CTDSPL2: variants seen among roughly 807,000 people sequenced by gnomAD.
The protein encoded by CTDSPL2 is CTD small phosphatase-like protein 2.
A neutral mutation model predicts 60.0 loss-of-function variants in CTDSPL2; 5 were observed. That is an observed-to-expected ratio of 0.08 (90% CI 0.04 to 0.18). The LOEUF (loss-of-function observed/expected upper bound fraction) is 0.18, where lower values mean the gene tolerates loss of function less well. Ranked by LOEUF, CTDSPL2 falls within the 10% of genes least tolerant of loss-of-function variation. CTDSPL2 has a pLI of 1.00. For missense variants in CTDSPL2, 370 were observed against 548.8 expected, an observed-to-expected ratio of 0.67 and a Z score of 3.26; for synonymous variants, 186 against 189.3, an observed-to-expected ratio of 0.98 and a Z score of 0.14.
rs377108970 is a variant in CTDSPL2 at position 44,525,463 on chromosome 15, C to G, written c.*1289C>G. 1 of 398,826 alleles carries G rather than the reference C, an allele frequency of 2.5e-6. No individual in the cohort carries two copies. 24.7% of individuals were successfully genotyped at this position (398,826 alleles called of 1,614,324 possible). On this transcript the variant is annotated 3_prime_UTR_variant, in exon 13 of 13. Transcript: ENST00000260327. ...ATGGAAGGTAGAATTTGTAAAAGTT[C>G]GTATGCTTTGCCTCTCAACTGCATT...
At chr15:44,509,195 A>AT (rs926933803) in intron 8 of CTDSPL2, among the ~76,000 whole-genome samples, 33 of 150,338 alleles carry the variant, frequency 2.2e-4, no homozygotes, top group Non-Finnish European at 4.3e-4. Flanking sequence ...TTTTATTTTT[A>AT]TTTTTTTTAT....
intron 2 of CTDSPL2, among the ~76,000 whole-genome samples, chr15:44,479,994 C>G (rs1266378342): frequency 6.6e-6 from 1 of 151,958 alleles, no homozygotes; most frequent in African/African-American, 2.4e-5. Flanking sequence ...TGAGTTTTGT[C>G]TTTTATTTCT....
chr15:44,451,105 T>G (rs1336933472), intron 1 of CTDSPL2, among the ~76,000 whole-genome samples: 1 of 152,136 alleles, frequency 6.6e-6, no homozygotes, highest in Non-Finnish European at 1.5e-5. Context: ...TTCTGTTTCT[T>G]GTTTTTTGTT....
At chr15:44,509,023 G>T (rs992460567) in intron 8 of CTDSPL2, among the ~76,000 whole-genome samples, 1 of 152,122 alleles carries the variant, frequency 6.6e-6, no homozygotes, top group African/African-American at 2.4e-5. Context: ...GGGTCATACT[G>T]TTAAAATTAT....
At chr15:44,448,348 C>T (rs1293701155) in intron 1 of CTDSPL2, 3 of 256,368 alleles carry the variant, frequency 1.2e-5, no homozygotes, top group Non-Finnish European at 2.4e-5. Flanking sequence ...CTCCACAAAG[C>T]CCATGCGGTC....
At chr15:44,476,886 T>C (rs1391411325) in intron 2 of CTDSPL2, among the ~76,000 whole-genome samples, 1 of 152,168 alleles carries the variant, frequency 6.6e-6, no homozygotes, top group East Asian at 1.9e-4. Flanking sequence ...GTTACAGAGA[T>C]TATAGCAGGT....
At chr15:44,506,025 CTTTTTTTTTTTTT>C (rs753896129) in intron 8 of CTDSPL2, among the ~76,000 whole-genome samples, 35 of 117,580 alleles carry the variant, frequency 3.0e-4, no homozygotes, top group African/African-American at 1.1e-3. Context: ...TCATTGGTAA[CTTTTTTTTTTTTT>C]TTTTTTTTTG....
chr15:44,507,084 G>GTT (rs796951341), intron 8 of CTDSPL2, among the ~76,000 whole-genome samples: 41 of 137,910 alleles, frequency 3.0e-4, no homozygotes, highest in African/African-American at 1.1e-3. Flanking sequence ...TTTGTTTTTT[G>GTT]TTTTTTTTTT....
rs1014252484 is a variant in CTDSPL2, at chr15:44,528,577, A to T, written c.*4403A>T. On this transcript the variant is annotated 3_prime_UTR_variant, in exon 13 of 13. Coordinates refer to ENST00000260327, the MANE Select transcript of CTDSPL2 (RefSeq NM_016396.3). ...CAAGATACATGGAGGAATAATAAAGAAGATTAAGGCTACTGCTCATTATCA... is the reference window on the plus strand; with the variant it reads ...CAAGATACATGGAGGAATAATAAAGTAGATTAAGGCTACTGCTCATTATCA... 6.6e-5 allele frequency: 10 copies of T among 152,026 alleles called. No individual in the cohort carries two copies. The highest frequency in any genetic ancestry group is 2.4e-4 in the African/African-American group (10 of 41,408). 9.4% of individuals were successfully genotyped at this position (152,026 alleles called of 1,614,324 possible).
At chr15:44,445,702 A>AT (rs2141298522) in intron 1 of CTDSPL2, among the ~76,000 whole-genome samples, 1 of 150,026 alleles carries the variant, frequency 6.7e-6, no homozygotes, top group Non-Finnish European at 1.5e-5. Context: ...CAGTGGCACG[A>AT]TCTTGGCTTA....
intron 2 of CTDSPL2, among the ~76,000 whole-genome samples, chr15:44,478,442 G>T (rs1286439149): frequency 1.3e-5 from 1 of 78,306 alleles, no homozygotes. Flanking sequence ...AGAAGAGCAA[G>T]ACTCTGTCTC....
intron 8 of CTDSPL2, among the ~76,000 whole-genome samples, chr15:44,508,039 G>T (rs771277075): frequency 6.6e-6 from 1 of 151,914 alleles, no homozygotes; most frequent in Non-Finnish European, 1.5e-5. Context: ...TCTACTGATG[G>T]TAAGATAAGA....
rs36016079 is a variant in CTDSPL2 at position 44,450,589 on chromosome 15, ATTTTTTTT to A, written c.-24-8384_-24-8377del. 4.3e-3 allele frequency among the ~76,000 whole-genome samples: 379 copies of A among 88,736 alleles called. 2 individuals are homozygous for A. Among genetic ancestry groups the A allele is most frequent in the Non-Finnish European group, 6.4e-3 (312 of 48,498 alleles). The allele number at this position is 88,736 out of a possible 152,430, so 58.2% of individuals were successfully genotyped here. On this transcript the variant is annotated intron_variant, in intron 1 of 12. Transcript: ENST00000260327. ...ATGACCATTAAAAGTTATATTCTTAATTTTTTTTTTTTTTTTTTTTTTTTTGAGACTGA... is the reference window on the plus strand; with the variant it reads ...ATGACCATTAAAAGTTATATTCTTAATTTTTTTTTTTTTTTTTGAGACTGA...
chr15:44,456,931 C>A (rs1012642319), intron 1 of CTDSPL2, among the ~76,000 whole-genome samples: 1 of 144,544 alleles, frequency 6.9e-6, no homozygotes, highest in African/African-American at 2.6e-5. Context: ...GGCTGGAGTG[C>A]AGTGGCGCGG....
At chr15:44,438,613 T>A (rs2080023379) in intron 1 of CTDSPL2, among the ~76,000 whole-genome samples, 1 of 152,158 alleles carries the variant, frequency 6.6e-6, no homozygotes, top group East Asian at 1.9e-4. Context: ...TTAGGAAAAA[T>A]ACGGTAGGAA....
At chr15:44,516,748 TA>T in intron 10 of CTDSPL2, 1 of 152,238 alleles carries the variant, frequency 6.6e-6, no homozygotes, top group Non-Finnish European at 1.5e-5. Context: ...AATCCTCTTT[TA>T]AACTAGATTT....
chr15:44,521,970 G>GAAAAAA (rs2081785787), intron 12 of CTDSPL2, among the ~76,000 whole-genome samples: 1 of 134,278 alleles, frequency 7.4e-6, no homozygotes, highest in African/African-American at 2.7e-5. Flanking sequence ...AAAACATGAT[G>GAAAAAA]ATGATGATGA....
intron 1 of CTDSPL2, among the ~76,000 whole-genome samples, chr15:44,457,770 C>T (rs371178907): frequency 6.6e-6 from 1 of 152,090 alleles, no homozygotes; most frequent in Admixed American, 6.6e-5. Flanking sequence ...TGCCACCACG[C>T]CCACCTAATT....
chr15:44,498,265 C>T (rs745840967), intron 7 of CTDSPL2, among the ~76,000 whole-genome samples: 1 of 152,082 alleles, frequency 6.6e-6, no homozygotes, highest in Non-Finnish European at 1.5e-5. Flanking sequence ...GTTACTGGAA[C>T]CCTATAATTG....
Sources: gnomAD v4.1 joint callset for allele counts (sites outside exome capture counted in the v4.1 genomes callset) on GRCh38, gnomAD v4.1.1 for gene constraint, MANE v1.5 for transcripts, NCBI Gene and HGNC (gene_info 2026-07-23, HGNC 2026-07-21) for gene names.